ABCA8: variants seen among roughly 807,000 people sequenced by gnomAD.
The protein encoded by ABCA8 is ATP binding cassette subfamily A member 8, also known as ABC-type organic anion transporter ABCA8.
ABCA8 carries 177 observed loss-of-function variants against 192.3 expected under a neutral mutation model. That is an observed-to-expected ratio of 0.92 (90% CI 0.81 to 1.04). The LOEUF is 1.04. Among genes scored for constraint, ABCA8 ranks in the 50% least tolerant of loss-of-function variants. The probability of loss-of-function intolerance (pLI) is 0.00; values close to 1 mark genes in which losing one functional copy is unlikely to be tolerated. For missense variants in ABCA8, 1,915 were observed against 1,904.8 expected (o/e 1.01, Z -0.10); for synonymous variants, 642 against 690.2 (o/e 0.93, Z 1.09).
At position 68,887,497 on chromosome 17, in the gene ABCA8, G is replaced by A. The variant is rs781006841; in HGVS notation, c.3154C>T (p.Arg1052Trp). 4.6e-5 allele frequency: 74 copies of A among 1,609,684 alleles called. No individual in the cohort carries two copies. The highest frequency in any genetic ancestry group is 4.6e-5 in the Non-Finnish European group (54 of 1,178,720). Residue 1052 changes from arginine (R) to tryptophan (W), a missense_variant, in exon 25 of 40, where the codon CGG (arginine) becomes TGG (tryptophan). Physicochemically the swap from Arg to Trp is moderately radical, Grantham distance 101 (BLOSUM62 -3). Transcript: ENST00000586539. ...AGTCCGGAAATCCGTAGCTGGGACC[G>A]AGCTCTGTTCTAATTAGGAGACAGC... The part of the protein sequence containing the change: ...SSIDDYKNRA[R>W]SQLRISGLSP...
At chr17:68,944,026 C>A (rs905999625) in intron 2 of ABCA8, among the ~76,000 whole-genome samples, 3 of 151,654 alleles carry the variant, frequency 2.0e-5, no homozygotes, top group African/African-American at 7.3e-5. Context: ...AAGCTGGAAG[C>A]CATCATCCTC....
At chr17:68,953,508 A>G (rs1360435698) in intron 1 of ABCA8, among the ~76,000 whole-genome samples, 1 of 152,192 alleles carries the variant, frequency 6.6e-6, no homozygotes, top group East Asian at 1.9e-4. Flanking sequence ...TAGCCACAGC[A>G]GTCTCAGAGA....
In ABCA8 at chr17:68,924,393, A is replaced by C. The variant is rs185431014; in HGVS notation, c.1442+308T>G. Among the ~76,000 whole-genome samples the C allele has an allele frequency of 1.1e-3, 165 of 152,200 alleles. 1 individual carries two copies. The Middle Eastern group carries it at 0.024, about 22-fold the overall frequency. On this transcript the variant is annotated intron_variant, in intron 11 of 39. Coordinates refer to ENST00000586539, the MANE Select transcript of ABCA8 (RefSeq NM_001288985.2). ...ATGAGGTGGGGACAAAGAGTGAATA[A>C]CTGAGACCCAGAAAGCAATGAGGGT...
intron 38 of ABCA8, among the ~76,000 whole-genome samples, chr17:68,869,369 T>A (rs997523079): frequency 2.0e-5 from 3 of 152,142 alleles, no homozygotes; most frequent in African/African-American, 7.2e-5. Flanking sequence ...AAAATTTAAT[T>A]TTAAATATGT....
chr17:68,887,916 A>AT (rs36092193), intron 24 of ABCA8, among the ~76,000 whole-genome samples: 6 of 41,590 alleles, frequency 1.4e-4, no homozygotes, highest in South Asian at 1.0e-3. Context: ...ATCCATATAT[A>AT]TATATATATT....
chr17:68,878,927 C>G (rs866691146), intron 32 of ABCA8: 2 of 152,222 alleles, frequency 1.3e-5, no homozygotes, highest in Admixed American at 1.3e-4. Flanking sequence ...TAGCCCCTTT[C>G]CCACGGTACA....
Position 68,907,807 on chromosome 17 carries a change from T to A in ABCA8, c.2211A>T (p.Lys737Asn). ...GTTTTCCTTCGCTTTTGGCTGATAA[T>A]TTGGCATCAGGGATGTGCTGTTTAA... Reference protein sequence around the residue: ...SLVKQHIPDAKLSAKSEGKLI... With the variant: ...SLVKQHIPDANLSAKSEGKLI... Residue 737 changes from lysine to asparagine, a missense_variant, in exon 18 of 40, where the codon AAA (lysine) becomes AAT (asparagine). Coordinates refer to ENST00000586539, the MANE Select transcript of ABCA8 (RefSeq NM_001288985.2). 6.2e-7 allele frequency: 1 copy of A among 1,610,210 alleles called. No individual in the cohort carries two copies. The highest frequency in any genetic ancestry group is 8.5e-7 in the Non-Finnish European group (1 of 1,178,328).
In ABCA8 at chr17:68,875,696, C is replaced by T. The variant is rs35403175; in HGVS notation, c.4408G>A (p.Gly1470Ser). ...IRATFRNTER[G>S]ALLTTHYMAE... ...ATGTAGTGGGTGGTTAGGAGGGCACCCCTTTCCGTGTTTCTAAAGGTGGCC... is the reference window on the plus strand; with the variant it reads ...ATGTAGTGGGTGGTTAGGAGGGCACTCCTTTCCGTGTTTCTAAAGGTGGCC... The change falls in exon 36 of 40, where the codon GGT (glycine) becomes AGT (serine). Residue 1470 changes from glycine to serine, a missense_variant. Physicochemically the swap from Gly to Ser is moderately conservative, Grantham distance 56 (BLOSUM62 0). Coordinates refer to ENST00000586539, the MANE Select transcript of ABCA8 (RefSeq NM_001288985.2). The T allele has an allele frequency of 0.024, 39,187 of 1,614,044 alleles. 838 individuals carry two copies. Among genetic ancestry groups the T allele is most frequent in the African/African-American group, 0.09 (6,758 of 75,032 alleles).
intron 2 of ABCA8, among the ~76,000 whole-genome samples, chr17:68,944,180 G>A (rs1197854805): frequency 3.3e-5 from 5 of 151,038 alleles, no homozygotes; most frequent in Admixed American, 2.6e-4. Flanking sequence ...GGAAGGGAGA[G>A]CATTAGGACA....
intron 21 of ABCA8, among the ~76,000 whole-genome samples, chr17:68,895,429 G>GT (rs1319099966): frequency 6.6e-6 from 1 of 152,152 alleles, no homozygotes; most frequent in Non-Finnish European, 1.5e-5. Flanking sequence ...GAGGAGCTCA[G>GT]TAGACCTTCT....
chr17:68,947,016 T>G (rs2068430633), intron 2 of ABCA8, among the ~76,000 whole-genome samples: 1 of 152,180 alleles, frequency 6.6e-6, no homozygotes, highest in African/African-American at 2.4e-5. Flanking sequence ...GTTGAGCCAT[T>G]AAATAATTTT....
chr17:68,902,902 A>C, intron 20 of ABCA8, 23 bp from the exon 21 acceptor site: 1 of 1,592,296 alleles, frequency 6.3e-7, no homozygotes, highest in Non-Finnish European at 8.6e-7. Flanking sequence ...AAATTGCCAA[A>C]ATGAATGCAA....
intron 9 of ABCA8, 53 bp downstream of exon 9, chr17:68,928,996 G>C: frequency 7.6e-7 from 1 of 1,309,826 alleles, no homozygotes; most frequent in Non-Finnish European, 1.0e-6. Context: ...ATGGATTCCA[G>C]AGGGACAGAT....
chr17:68,908,308 A>T (rs191864856), intron 17 of ABCA8, among the ~76,000 whole-genome samples: 1 of 152,320 alleles, frequency 6.6e-6, no homozygotes, highest in Non-Finnish European at 1.5e-5. Flanking sequence ...CTTCAAAGGA[A>T]CAAGAGACTT....
chr17:68,894,015 G>C (rs765625472), intron 23 of ABCA8, 158 bp downstream of exon 23: 2 of 754,186 alleles, frequency 2.7e-6, no homozygotes, highest in Admixed American at 4.9e-5. Flanking sequence ...CTCTGAAAAC[G>C]TATTGATTTT....
chr17:68,896,891 C>T (rs1161001202), intron 21 of ABCA8, among the ~76,000 whole-genome samples: 1 of 152,208 alleles, frequency 6.6e-6, no homozygotes. Flanking sequence ...TCATGCTAGT[C>T]TTGCTGTTGC....
intron 35 of ABCA8, 99 bp downstream of exon 35, chr17:68,876,361 C>T: frequency 7.0e-7 from 1 of 1,437,156 alleles, no homozygotes; most frequent in Admixed American, 1.9e-5. Context: ...TTTTGTTCTC[C>T]ACAAAAGAGT....
intron 17 of ABCA8, among the ~76,000 whole-genome samples, chr17:68,908,871 G>A (rs1395323566): frequency 6.6e-6 from 1 of 152,170 alleles, no homozygotes; most frequent in Non-Finnish European, 1.5e-5. Context: ...CCAGCCTCTA[G>A]GGTTATTCGA....
intron 21 of ABCA8, among the ~76,000 whole-genome samples, chr17:68,897,555 G>A (rs1001884294): frequency 6.6e-6 from 1 of 152,152 alleles, no homozygotes; most frequent in Non-Finnish European, 1.5e-5. Context: ...TTCAAGGCAG[G>A]TATTGTAAGT....
Sources: allele counts gnomAD v4.1 joint callset (sites outside exome capture counted in the v4.1 genomes callset), GRCh38; gene constraint gnomAD v4.1.1; transcripts MANE v1.5; gene names NCBI Gene and HGNC (gene_info 2026-07-23, HGNC 2026-07-21).